The following SOCS5 variants were observed in gnomAD, a reference collection of about 807,000 sequenced individuals.
The protein encoded by SOCS5 is CIS-6.
In SOCS5, 32 loss-of-function variants were observed where a neutral mutation model predicts 42.8. That is an observed-to-expected ratio of 0.75 (90% confidence interval 0.56 to 1.01). The LOEUF is 1.01. Among genes scored for constraint, SOCS5 ranks in the 50% least tolerant of loss-of-function variants. The probability of loss-of-function intolerance (pLI) is 0.00; values close to 1 mark genes in which losing one functional copy is unlikely to be tolerated. For missense variants in SOCS5, 627 were observed against 653.0 expected, an observed-to-expected ratio of 0.96 and a Z score of 0.43; for synonymous variants, 283 against 229.6, an observed-to-expected ratio of 1.23 and a Z score of -2.10.
chr2:46,727,892 C>T (rs1347461166), intron 1 of SOCS5, among the ~76,000 whole-genome samples: 2 of 152,150 alleles, frequency 1.3e-5, no homozygotes, highest in Admixed American at 1.3e-4. Context: ...TGCTCACTTC[C>T]TGTGATTGCA....
At chr2:46,705,823 T>C (rs1158218544) in intron 1 of SOCS5, among the ~76,000 whole-genome samples, 1 of 152,228 alleles carries the variant, frequency 6.6e-6, no homozygotes, top group African/African-American at 2.4e-5. Flanking sequence ...GATTTGCAGC[T>C]GACTCCATGT....
At chr2:46,737,538 T>G (rs2103736293) in intron 1 of SOCS5, among the ~76,000 whole-genome samples, 1 of 152,358 alleles carries the variant, frequency 6.6e-6, no homozygotes, top group East Asian at 1.9e-4. Flanking sequence ...GCTAATAATT[T>G]GCCTGATGCC....
chr2:46,751,014 G>C (rs887920646), intron 1 of SOCS5, among the ~76,000 whole-genome samples: 1 of 152,042 alleles, frequency 6.6e-6, no homozygotes, highest in Non-Finnish European at 1.5e-5. Context: ...TTAATATACT[G>C]TTCTAAAATT....
chr2:46,709,045 C>G (rs1187735870), intron 1 of SOCS5, among the ~76,000 whole-genome samples: 1 of 152,052 alleles, frequency 6.6e-6, no homozygotes, highest in Non-Finnish European at 1.5e-5. Context: ...CACCACCACG[C>G]CTGGCTAATT....
intron 1 of SOCS5, among the ~76,000 whole-genome samples, chr2:46,747,643 G>A (rs1410072405): frequency 6.6e-6 from 1 of 152,048 alleles, no homozygotes; most frequent in East Asian, 1.9e-4. Context: ...TCTTCCTGTG[G>A]TCATTGTACT....
rs1170264675 is a variant in SOCS5 at position 46,762,257 on chromosome 2, T to A, written c.*2116T>A. ...ATAATTATATTGCCTAATTGTTGGG[T>A]CTTTTTTCTTGAGCTTATAATGTAC... On this transcript the variant is annotated 3_prime_UTR_variant, in exon 2 of 2. Transcript: ENST00000394861. 1 of 166,852 alleles carries A rather than the reference T, an allele frequency of 6.0e-6. No individual in the cohort carries two copies. Among genetic ancestry groups the A allele is most frequent in the African/African-American group, 2.4e-5 (1 of 41,470 alleles). 10.3% of individuals were successfully genotyped at this position (166,852 alleles called of 1,614,324 possible).
At chr2:46,732,174 C>T (rs984248002) in intron 1 of SOCS5, among the ~76,000 whole-genome samples, 1 of 152,252 alleles carries the variant, frequency 6.6e-6, no homozygotes, top group East Asian at 1.9e-4. Flanking sequence ...ATGTTGTGCC[C>T]TAGTGTAACC....
chr2:46,721,572 C>T (rs562482394), intron 1 of SOCS5, among the ~76,000 whole-genome samples: 15 of 152,112 alleles, frequency 9.9e-5, no homozygotes, highest in African/African-American at 3.6e-4. Flanking sequence ...CCTAGTGCTT[C>T]CACATTAGAC....
chr2:46,720,617 A>G (rs1672857039), intron 1 of SOCS5, among the ~76,000 whole-genome samples: 1 of 152,208 alleles, frequency 6.6e-6, no homozygotes, highest in Non-Finnish European at 1.5e-5. Context: ...AATTTGTAAG[A>G]TTAGTGTTCT....
At chr2:46,705,368 T>C (rs1026954382) in intron 1 of SOCS5, among the ~76,000 whole-genome samples, 7 of 152,292 alleles carry the variant, frequency 4.6e-5, no homozygotes, top group Non-Finnish European at 1.0e-4. Flanking sequence ...GTGTCAGAAT[T>C]GGTTTGAATT....
At position 46,760,865 on chromosome 2, in the gene SOCS5, G is replaced by A. The variant is rs1260854942; in HGVS notation, c.*724G>A. The A allele has an allele frequency of 1.8e-5, 3 of 167,092 alleles. No individual in the cohort carries two copies. Among genetic ancestry groups the A allele is most frequent in the Non-Finnish European group, 4.4e-5 (3 of 68,122 alleles). 10.4% of individuals were successfully genotyped at this position (167,092 alleles called of 1,614,324 possible). On this transcript the variant is annotated 3_prime_UTR_variant, in exon 2 of 2. Coordinates refer to ENST00000394861, the MANE Select transcript of SOCS5 (RefSeq NM_144949.3). ...CTTAAAACAGGCGTTTGGAATAGCTGCTGCAATGTAGTCTTGTGTGTGATT... is the reference window on the plus strand; with the variant it reads ...CTTAAAACAGGCGTTTGGAATAGCTACTGCAATGTAGTCTTGTGTGTGATT...
At chr2:46,708,048 C>T (rs1672536463) in intron 1 of SOCS5, among the ~76,000 whole-genome samples, 1 of 152,134 alleles carries the variant, frequency 6.6e-6, no homozygotes, top group South Asian at 2.1e-4. Flanking sequence ...AATTGTAAGT[C>T]AGAGACTGTT....
In SOCS5 at chr2:46,759,424, A is replaced by C; in HGVS notation, c.894A>C (p.Lys298Asn). 1 of 1,613,982 alleles carries C rather than the reference A, an allele frequency of 6.2e-7. No individual in the cohort carries two copies. ...EATAQVNPLY[K>N]LGPKLAPGMT... ...CTGCACAGGTTAATCCATTATATAA[A>C]CTGGGACCAAAATTAGCTCCTGGAA... The change falls in exon 2 of 2, where the codon AAA becomes AAC. Residue 298 changes from lysine (K) to asparagine (N), a missense_variant. Transcript: ENST00000394861.
At position 46,762,477 on chromosome 2, in the gene SOCS5, A is replaced by G. The variant is rs1673891496; in HGVS notation, c.*2336A>G. ...AGTATTAATGCTTTTATGTATTTCA[A>G]AACTTTCATATGTTAAATGGAAATT... On this transcript the variant is annotated 3_prime_UTR_variant, in exon 2 of 2. Coordinates refer to ENST00000394861, the MANE Select transcript of SOCS5 (RefSeq NM_144949.3). The G allele has an allele frequency of 6.0e-6, 1 of 166,182 alleles. No individual in the cohort carries two copies. Among genetic ancestry groups the G allele is most frequent in the South Asian group, 2.1e-4 (1 of 4,834 alleles). The allele number at this position is 166,182 out of a possible 1,614,324, so 10.3% of individuals were successfully genotyped here. A position where few individuals can be genotyped will look rare whatever the true frequency, so the allele number is the denominator to read the frequency against.
At chr2:46,751,936 A>G (rs1673631475) in intron 1 of SOCS5, among the ~76,000 whole-genome samples, 2 of 152,216 alleles carry the variant, frequency 1.3e-5, no homozygotes, top group Admixed American at 6.5e-5. Flanking sequence ...GGAAAATTAT[A>G]TGAAATTTAA....
At chr2:46,708,415 C>T (rs1237068719) in intron 1 of SOCS5, among the ~76,000 whole-genome samples, 1 of 152,012 alleles carries the variant, frequency 6.6e-6, no homozygotes, top group Non-Finnish European at 1.5e-5. Flanking sequence ...AATGATACCA[C>T]AATATCAGTT....
chr2:46,741,288 G>A (rs578167620), intron 1 of SOCS5, among the ~76,000 whole-genome samples: 1 of 151,988 alleles, frequency 6.6e-6, no homozygotes, highest in Non-Finnish European at 1.5e-5. Context: ...CACTCAGGCT[G>A]GAGTGCAGTG....
chr2:46,713,747 T>C (rs10190187), intron 1 of SOCS5, among the ~76,000 whole-genome samples: 7,323 of 152,264 alleles, frequency 0.048, 631 homozygotes, highest in African/African-American at 0.17. Context: ...CTTAGATCAT[T>C]GATTTTCGAA....
At chr2:46,745,100 T>G (rs1421743139) in intron 1 of SOCS5, among the ~76,000 whole-genome samples, 1 of 152,100 alleles carries the variant, frequency 6.6e-6, no homozygotes, top group Non-Finnish European at 1.5e-5. Context: ...TAATAGTAAG[T>G]CTTAATTCAT....
Sources: allele counts gnomAD v4.1 joint callset (sites outside exome capture counted in the v4.1 genomes callset), GRCh38; gene constraint gnomAD v4.1.1; transcripts MANE v1.5; gene names NCBI Gene and HGNC (gene_info 2026-07-23, HGNC 2026-07-21).